Variants in ASTN1 observed in about 807,000 individuals in gnomAD.
ASTN1 encodes the protein astrotactin 1.
In ASTN1, 41 loss-of-function variants were observed where a neutral mutation model predicts 140.7. The observed-to-expected ratio is 0.29, with a 90% CI of 0.23 to 0.38. The LOEUF (loss-of-function observed/expected upper bound fraction) is 0.38, where lower values mean the gene tolerates loss of function less well. Ranked by LOEUF, ASTN1 falls within the 10% of genes least tolerant of loss-of-function variation. The pLI is 1.00. For synonymous variants in ASTN1, 640 were observed against 652.2 expected, an observed-to-expected ratio of 0.98 and a Z score of 0.29; for missense variants, 1,479 against 1,678.8, an observed-to-expected ratio of 0.88 and a Z score of 2.08.
At position 176,894,758 on chromosome 1, in the gene ASTN1, G is replaced by T. The variant is rs763076147; in HGVS notation, c.2744C>A (p.Thr915Asn). The change falls in exon 17 of 23, where the codon ACC becomes AAC. Residue 915 changes from threonine (T) to asparagine (N), a missense_variant. Physicochemically the swap from Thr to Asn is moderately conservative, Grantham distance 65. This residue lies in a region of ASTN1 where 746 missense variants were observed against 800.9 expected (regional missense o/e 0.93). Transcript: ENST00000361833. ...CTTGGTGCCGGAGTCTGACAAGCTG[G>T]TGATGTATTCTGGGAATGTCAGCAC... ...PKVLTFPEYITSLSDSGTKHM... is the reference protein window; with the variant it reads ...PKVLTFPEYINSLSDSGTKHM... 18 of 1,614,218 alleles carry T rather than the reference G, an allele frequency of 1.1e-5. No individual in the cohort carries two copies. The Admixed American group carries it at 1.3e-4, about 12-fold the overall frequency.
intron 1 of ASTN1, among the ~76,000 whole-genome samples, chr1:177,152,388 C>G (rs1683077620): frequency 6.6e-6 from 1 of 151,944 alleles, no homozygotes; most frequent in African/African-American, 2.4e-5. Flanking sequence ...AATTAACACA[C>G]AACATTAATA....
At chr1:177,158,272 G>T (rs1683325456) in intron 1 of ASTN1, among the ~76,000 whole-genome samples, 1 of 152,114 alleles carries the variant, frequency 6.6e-6, no homozygotes, top group African/African-American at 2.4e-5. Flanking sequence ...AAGTGTACAT[G>T]ATTAAAAACA....
chr1:177,083,991 T>G (rs548306372), intron 1 of ASTN1, among the ~76,000 whole-genome samples: 1 of 152,336 alleles, frequency 6.6e-6, no homozygotes, highest in Non-Finnish European at 1.5e-5. Context: ...AATTCTCCCT[T>G]GCTGTCATTT....
intron 1 of ASTN1, among the ~76,000 whole-genome samples, chr1:177,129,089 T>A (rs10798501): frequency 0.16 from 24,313 of 152,136 alleles, 3,969 homozygotes; most frequent in African/African-American, 0.42. Flanking sequence ...ACCAGACTGA[T>A]AGATGAAAGA....
Position 177,044,200 on chromosome 1 carries a change from CACAT to C in ASTN1, c.472-11355_472-11352del, listed in dbSNP as rs1318545987. On this transcript the variant is annotated intron_variant, in intron 2 of 22. Coordinates refer to ENST00000361833, the MANE Select transcript of ASTN1 (RefSeq NM_004319.3). ...ATACACACACACACACACACACACA[CACAT>C]ACACACACACCCAACTGCCCTGTCC... is the stretch of plus-strand genomic sequence containing the variant. Among the ~76,000 whole-genome samples, 335 of 148,364 alleles carry C rather than the reference CACAT, an allele frequency of 2.3e-3. 3 individuals carry two copies. Among genetic ancestry groups the C allele is most frequent in the African/African-American group, 8.3e-3 (317 of 38,344 alleles).
chr1:177,005,378 G>T (rs889833036), intron 8 of ASTN1, among the ~76,000 whole-genome samples: 1 of 152,180 alleles, frequency 6.6e-6, no homozygotes, highest in African/African-American at 2.4e-5. Context: ...CTGCTAGTGG[G>T]AATGTAAATT....
At chr1:176,985,869 C>T (rs1673877983) in intron 8 of ASTN1, among the ~76,000 whole-genome samples, 1 of 150,234 alleles carries the variant, frequency 6.7e-6, no homozygotes, top group African/African-American at 2.5e-5. Flanking sequence ...CACACACACA[C>T]ACACACACAC....
At chr1:177,122,616 C>T (rs1681457016) in intron 1 of ASTN1, among the ~76,000 whole-genome samples, 1 of 152,160 alleles carries the variant, frequency 6.6e-6, no homozygotes, top group South Asian at 2.1e-4. Flanking sequence ...GGCGACAGTC[C>T]CGTCCTGGCA....
At chr1:176,868,313 C>T (rs1161918081) in intron 22 of ASTN1, among the ~76,000 whole-genome samples, 1 of 152,168 alleles carries the variant, frequency 6.6e-6, no homozygotes, top group East Asian at 1.9e-4. Flanking sequence ...GCAGTCATGG[C>T]CCCTGGGGCC....
At chr1:177,142,460 C>CA (rs1182851151) in intron 1 of ASTN1, among the ~76,000 whole-genome samples, 1 of 152,098 alleles carries the variant, frequency 6.6e-6, no homozygotes, top group Non-Finnish European at 1.5e-5. Flanking sequence ...CAGAGCACCC[C>CA]AGGACTTGGA....
At chr1:177,035,349 G>A (rs1676661140) in intron 2 of ASTN1, among the ~76,000 whole-genome samples, 1 of 152,194 alleles carries the variant, frequency 6.6e-6, no homozygotes, top group Admixed American at 6.5e-5. Flanking sequence ...GACAGAATAG[G>A]AGAGTATGGA....
At chr1:177,004,408 C>T (rs1382682307) in intron 8 of ASTN1, among the ~76,000 whole-genome samples, 4 of 152,136 alleles carry the variant, frequency 2.6e-5, no homozygotes, top group Non-Finnish European at 4.4e-5. Context: ...AAGCAACCTA[C>T]AGATTCAATG....
At chr1:176,868,609 A>G (rs1571431870) in intron 22 of ASTN1, among the ~76,000 whole-genome samples, 1 of 152,342 alleles carries the variant, frequency 6.6e-6, no homozygotes, top group East Asian at 1.9e-4. Flanking sequence ...AAAATAGGTC[A>G]AGAGCAAAAT....
At chr1:177,027,036 C>G (rs1676151954) in intron 5 of ASTN1, among the ~76,000 whole-genome samples, 1 of 152,158 alleles carries the variant, frequency 6.6e-6, no homozygotes, top group Non-Finnish European at 1.5e-5. Context: ...AAACCTGCAC[C>G]CTAAGCTCTA....
chr1:176,985,841 TCTCTAC>T (rs1294287444), intron 8 of ASTN1, among the ~76,000 whole-genome samples: 3 of 142,188 alleles, frequency 2.1e-5, no homozygotes, highest in Admixed American at 7.6e-5. Flanking sequence ...TCTCTCTCTC[TCTCTAC>T]ACACACACAC....
chr1:177,111,144 C>T lies in ASTN1; in HGVS notation c.284-49879G>A, dbSNP rs115957776. ...CACTAACATTTGTTAAGCCCCTCTT[C>T]TTTGCCAAGCACTTGATATCTGAGC... On this transcript the variant is annotated intron_variant, in intron 1 of 22. Transcript: ENST00000361833. Among the ~76,000 whole-genome samples the T allele has an allele frequency of 3.2e-3, 488 of 152,318 alleles. 4 individuals are homozygous for T. Among genetic ancestry groups the T allele is most frequent in the African/African-American group, 0.011 (469 of 41,570 alleles).
chr1:176,918,823 G>C (rs1429000030), intron 16 of ASTN1, among the ~76,000 whole-genome samples: 1 of 152,160 alleles, frequency 6.6e-6, no homozygotes, highest in African/African-American at 2.4e-5. Context: ...GCTGGGGTCT[G>C]TGTGGCCCTG....
At chr1:177,022,690 C>T (rs12568233) in intron 7 of ASTN1, among the ~76,000 whole-genome samples, 20,804 of 152,036 alleles carry the variant, frequency 0.14, 1,795 homozygotes, top group East Asian at 0.19. Flanking sequence ...CAAATGTGTC[C>T]AGCATTTATG....
intron 1 of ASTN1, among the ~76,000 whole-genome samples, chr1:177,156,121 T>A (rs982074424): frequency 6.6e-6 from 1 of 151,834 alleles, no homozygotes; most frequent in East Asian, 1.9e-4. Flanking sequence ...AATACAAAAA[T>A]TAGCTGGGTG....
Sources: allele counts gnomAD v4.1 joint callset (sites outside exome capture counted in the v4.1 genomes callset), GRCh38; gene constraint gnomAD v4.1.1; regional missense constraint gnomAD v4.1.1; transcripts MANE v1.5; gene names NCBI Gene and HGNC (gene_info 2026-07-23, HGNC 2026-07-21).